Variants in MAGI2 observed in about 807,000 individuals in gnomAD.
MAGI2 encodes the protein membrane-associated guanylate kinase, WW and PDZ domain-containing protein 2.
Under a neutral mutation model 133.3 loss-of-function variants are expected in MAGI2, and 35 were observed. The ratio of observed to expected loss-of-function variants is 0.26; its 90% CI spans 0.20 to 0.35. MAGI2 has a LOEUF of 0.35. MAGI2 is among the 10% of genes least tolerant of loss of function. The pLI is 1.00. For missense variants in MAGI2, 1,636 were observed against 1,863.4 expected (o/e 0.88, Z 2.25); for synonymous variants, 729 against 710.6 (o/e 1.03, Z -0.41).
chr7:78,706,327 T>A, intron 2 of MAGI2, among the ~76,000 whole-genome samples: 1 of 152,032 alleles, frequency 6.6e-6, no homozygotes, highest in Non-Finnish European at 1.5e-5. Flanking sequence ...TTCTTCCTCA[T>A]TTTCTCTTGC....
intron 21 of MAGI2, among the ~76,000 whole-genome samples, chr7:78,032,814 G>A (rs1004859538): frequency 3.9e-5 from 6 of 152,048 alleles, no homozygotes; most frequent in African/African-American, 1.4e-4. Flanking sequence ...TGGATTCTTG[G>A]GCTAAGAACA....
chr7:79,176,369 C>T (rs768562460), intron 1 of MAGI2, among the ~76,000 whole-genome samples: 1 of 151,940 alleles, frequency 6.6e-6, no homozygotes, highest in East Asian at 1.9e-4. Flanking sequence ...TCCCAAGCAT[C>T]CTGTTGAATT....
chr7:79,389,345 A>T (rs1844438432), intron 1 of MAGI2, among the ~76,000 whole-genome samples: 1 of 152,096 alleles, frequency 6.6e-6, no homozygotes, highest in South Asian at 2.1e-4. Flanking sequence ...AAATTGCAAA[A>T]TTCCTAGGAA....
intron 1 of MAGI2, among the ~76,000 whole-genome samples, chr7:79,058,715 A>G (rs1269061166): frequency 6.6e-6 from 1 of 152,174 alleles, no homozygotes; most frequent in African/African-American, 2.4e-5. Flanking sequence ...AAAAGGAAGG[A>G]TATAAAAGTT....
chr7:78,912,028 T>C (rs964061797), intron 2 of MAGI2, among the ~76,000 whole-genome samples: 1 of 152,178 alleles, frequency 6.6e-6, no homozygotes, highest in South Asian at 2.1e-4. Context: ...CCAAAAATTA[T>C]ATTTTTAATT....
chr7:78,317,556 C>T (rs190985965), intron 9 of MAGI2, among the ~76,000 whole-genome samples: 9 of 152,330 alleles, frequency 5.9e-5, no homozygotes, highest in African/African-American at 1.4e-4. Flanking sequence ...CGGCTGTGGG[C>T]GCAGCTTCAG....
intron 1 of MAGI2, among the ~76,000 whole-genome samples, chr7:79,136,366 C>A (rs922133350): frequency 6.6e-6 from 1 of 152,174 alleles, no homozygotes; most frequent in Non-Finnish European, 1.5e-5. Context: ...GCCTCATTTG[C>A]CATAATTTTG....
At chr7:79,110,160 A>C (rs182058449) in intron 1 of MAGI2, among the ~76,000 whole-genome samples, 79 of 148,766 alleles carry the variant, frequency 5.3e-4, no homozygotes, top group African/African-American at 1.9e-3. Context: ...ATGCATGGAA[A>C]AGCCTGGGTG....
chr7:79,098,835 G>C (rs1344708197), intron 1 of MAGI2, among the ~76,000 whole-genome samples: 1 of 152,182 alleles, frequency 6.6e-6, no homozygotes, highest in African/African-American at 2.4e-5. Context: ...CCCAGGAGAG[G>C]AGAGAGAAAG....
At chr7:78,290,991 T>C (rs1218963045) in intron 9 of MAGI2, among the ~76,000 whole-genome samples, 1 of 152,148 alleles carries the variant, frequency 6.6e-6, no homozygotes, top group African/African-American at 2.4e-5. Flanking sequence ...GCAGGAAAGA[T>C]CTAAAATTGA....
intron 2 of MAGI2, among the ~76,000 whole-genome samples, chr7:78,640,830 G>T (rs1337309729): frequency 1.3e-5 from 2 of 152,190 alleles, no homozygotes; most frequent in African/African-American, 4.8e-5. Context: ...CTAGGCTATG[G>T]GGCATTAGTG....
At chr7:78,658,511 C>A (rs1812553838) in intron 2 of MAGI2, among the ~76,000 whole-genome samples, 1 of 152,048 alleles carries the variant, frequency 6.6e-6, no homozygotes, top group South Asian at 2.1e-4. Context: ...GTATGAAAGA[C>A]TCTGTTAAGA....
intron 1 of MAGI2, among the ~76,000 whole-genome samples, chr7:79,214,360 CCTCTCTCTCTCTCT>C (rs71531163): frequency 2.5e-3 from 69 of 27,548 alleles, no homozygotes; most frequent in Middle Eastern, 0.025. Context: ...GCATTACGCA[CCTCTCTCTCTCTCT>C]CTCTCTCTCT....
chr7:78,083,356 T>C (rs1361937509), intron 20 of MAGI2, among the ~76,000 whole-genome samples: 1 of 73,234 alleles, frequency 1.4e-5, no homozygotes, highest in South Asian at 5.7e-4. Context: ...GAGAAGGAGA[T>C]GGTGGGGGGG....
At chr7:78,756,115 G>GAT (rs149754378) in intron 2 of MAGI2, among the ~76,000 whole-genome samples, 1 of 152,034 alleles carries the variant, frequency 6.6e-6, no homozygotes, top group African/African-American at 2.4e-5. Flanking sequence ...TCTCAAACAA[G>GAT]ATATATATCA....
chr7:78,597,446 A>G (rs562081556), intron 3 of MAGI2, among the ~76,000 whole-genome samples: 1 of 152,064 alleles, frequency 6.6e-6, no homozygotes, highest in Non-Finnish European at 1.5e-5. Context: ...AACTTGAAAT[A>G]CGGTCAGAGG....
At chr7:78,722,498 C>T (rs903143001) in intron 2 of MAGI2, among the ~76,000 whole-genome samples, 4 of 151,956 alleles carry the variant, frequency 2.6e-5, no homozygotes, top group Non-Finnish European at 2.9e-5. Context: ...TGAATTTCTA[C>T]CAAAGACACT....
chr7:79,035,787 T>C (rs1165890717), intron 1 of MAGI2, among the ~76,000 whole-genome samples: 1 of 152,202 alleles, frequency 6.6e-6, no homozygotes, highest in Non-Finnish European at 1.5e-5. Context: ...GAGAGCACTT[T>C]GTTACTTTTC....
At chr7:79,331,770 T>C (rs993651672) in intron 1 of MAGI2, among the ~76,000 whole-genome samples, 3 of 152,088 alleles carry the variant, frequency 2.0e-5, no homozygotes, top group Non-Finnish European at 2.9e-5. Flanking sequence ...TGTAGTAGTA[T>C]AAAAGGTCAA....
Sources: allele counts gnomAD v4.1 joint callset (sites outside exome capture counted in the v4.1 genomes callset), GRCh38; gene constraint gnomAD v4.1.1; transcripts MANE v1.5; gene names NCBI Gene and HGNC (gene_info 2026-07-23, HGNC 2026-07-21).